Variants in CHIC1 observed in about 807,000 individuals in gnomAD.
The protein encoded by CHIC1 is cysteine rich hydrophobic domain 1.
CHIC1 carries 7 observed loss-of-function variants against 18.5 expected under a neutral mutation model. That is an observed-to-expected ratio of 0.38 (90% CI 0.22 to 0.71). CHIC1 has a LOEUF of 0.71. Among genes scored for constraint, CHIC1 ranks in the 30% least tolerant of loss-of-function variants. The pLI, the probability that CHIC1 is intolerant of heterozygous loss-of-function variation, is 0.49. For missense variants in CHIC1, 159 were observed against 176.9 expected (o/e 0.90, Z 0.57); for synonymous variants, 77 against 73.5 (o/e 1.05, Z -0.25).
intron 3 of CHIC1, among the ~76,000 whole-genome samples, chrX:73,656,379 T>A (rs1308639752): frequency 8.9e-6 from 1 of 112,094 alleles, no homozygotes; most frequent in Non-Finnish European, 1.9e-5. Context: ...TTTGTTCCTG[T>A]CTATTTCCTG....
At chrX:73,675,138 G>A (rs929036377) in intron 3 of CHIC1, among the ~76,000 whole-genome samples, 2 of 111,816 alleles carry the variant, frequency 1.8e-5, no homozygotes, top group African/African-American at 6.5e-5. Flanking sequence ...ATTTGCTGAG[G>A]AGTGCTTTAC....
At chrX:73,660,694 C>T (rs917670648) in intron 3 of CHIC1, among the ~76,000 whole-genome samples, 23 of 110,624 alleles carry the variant, frequency 2.1e-4, no homozygotes, top group African/African-American at 7.3e-4. Flanking sequence ...GGGTCATTTT[C>T]TTCATTTCTG....
At position 73,563,378 on chromosome X, in the gene CHIC1, C is replaced by CCGTCGT. The variant is rs760149927; in HGVS notation, c.106_111dup (p.Ser36_Ser37dup). On this transcript the variant is annotated inframe_insertion, in exon 1 of 6. Transcript: ENST00000373502. ...AGAAGCGGCAACGTCGTCGTCGTCG[C>CCGTCGT]CGTCGTCGTCGTCGTCGGTATCTGG... 2.6e-6 allele frequency: 3 copies of CCGTCGT among 1,153,743 alleles called. No homozygotes were observed. Among genetic ancestry groups the CCGTCGT allele is most frequent in the Non-Finnish European group, 3.5e-6 (3 of 865,905 alleles).
At chrX:73,627,463 C>T (rs1014028114) in intron 3 of CHIC1, among the ~76,000 whole-genome samples, 8 of 112,648 alleles carry the variant, frequency 7.1e-5, no homozygotes, top group African/African-American at 2.6e-4. Flanking sequence ...AGTCAAAAAC[C>T]TTAGAAGCCT....
chrX:73,614,299 C>G (rs189725994), intron 3 of CHIC1, among the ~76,000 whole-genome samples: 9 of 111,507 alleles, frequency 8.1e-5, no homozygotes, highest in Admixed American at 4.8e-4. Flanking sequence ...CTAGAATTCT[C>G]TCTTTGTCTT....
chrX:73,593,901 T>G (rs1336182722), intron 3 of CHIC1, among the ~76,000 whole-genome samples: 2 of 111,727 alleles, frequency 1.8e-5, no homozygotes, highest in African/African-American at 3.2e-5. Flanking sequence ...CTATGTCATT[T>G]CAGACATTTC....
In CHIC1 at chrX:73,600,884, CA is replaced by C. The variant is rs1043988939; in HGVS notation, c.507+16321del. Among the ~76,000 whole-genome samples, 26 of 102,885 alleles carry C rather than the reference CA, an allele frequency of 2.5e-4. No homozygotes were observed. The East Asian group carries it at 2.7e-3, about 11-fold the overall frequency. The allele number at this position is 102,885 out of a possible 115,157, so 89.3% of individuals were successfully genotyped here. Reference sequence around the variant, plus strand: ...GAAGATCTACCAAGCAAATGGAAAACAAAAAAAAAGGCAGGGGTTGCAATCC... The same window carrying C: ...GAAGATCTACCAAGCAAATGGAAAACAAAAAAAAGGCAGGGGTTGCAATCC... On this transcript the variant is annotated intron_variant, in intron 3 of 5. Coordinates refer to ENST00000373502, the MANE Select transcript of CHIC1 (RefSeq NM_001039840.4).
Position 73,686,462 on chromosome X carries a change from G to A in CHIC1, c.*5457G>A, listed in dbSNP as rs1384338524. The A allele has an allele frequency of 9.0e-6, 1 of 111,604 alleles. No individual in the cohort carries two copies. Among genetic ancestry groups the A allele is most frequent in the Non-Finnish European group, 1.9e-5 (1 of 52,959 alleles). 9.2% of individuals were successfully genotyped at this position (111,604 alleles called of 1,213,427 possible). A position where few individuals can be genotyped will look rare whatever the true frequency, so the allele number is the denominator to read the frequency against. On this transcript the variant is annotated 3_prime_UTR_variant, in exon 6 of 6. Transcript: ENST00000373502. ...GTTATAATGTCATATTCTAGCATTG[G>A]ACTAAATATCAATTTCTGACTCTTA...
intron 3 of CHIC1, among the ~76,000 whole-genome samples, chrX:73,632,969 C>T (rs963431643): frequency 9.2e-6 from 1 of 108,175 alleles, no homozygotes; most frequent in African/African-American, 3.4e-5. Flanking sequence ...GGGGTTTCAC[C>T]GTGTTAGCCA....
At chrX:73,598,421 G>A (rs1422403196) in intron 3 of CHIC1, among the ~76,000 whole-genome samples, 24 of 105,235 alleles carry the variant, frequency 2.3e-4, no homozygotes, top group Admixed American at 5.1e-4. Flanking sequence ...ATGCTGGTGC[G>A]CTGCACCCAC....
At chrX:73,646,508 TG>T (rs1272698967) in intron 3 of CHIC1, among the ~76,000 whole-genome samples, 1 of 112,153 alleles carries the variant, frequency 8.9e-6, no homozygotes, top group Non-Finnish European at 1.9e-5. Context: ...CTTCCATTTC[TG>T]TTATCATTGT....
At chrX:73,664,012 CCTT>C in intron 3 of CHIC1, among the ~76,000 whole-genome samples, 1 of 111,303 alleles carries the variant, frequency 9.0e-6, no homozygotes, top group East Asian at 2.8e-4. Context: ...AGGGTCTTCT[CCTT>C]CTTTTAGCCC....
At chrX:73,673,423 T>C (rs2058042814) in intron 3 of CHIC1, among the ~76,000 whole-genome samples, 2 of 111,905 alleles carry the variant, frequency 1.8e-5, no homozygotes, top group African/African-American at 6.5e-5. Context: ...TTTTATTTCA[T>C]TGAGCAGTGG....
intron 3 of CHIC1, among the ~76,000 whole-genome samples, chrX:73,643,076 C>T (rs1459270024): frequency 8.9e-6 from 1 of 111,745 alleles, no homozygotes; most frequent in East Asian, 2.8e-4. Context: ...GTGACAAAAT[C>T]TCTCAGCATT....
intron 1 of CHIC1, among the ~76,000 whole-genome samples, chrX:73,566,589 C>G (rs1245447598): frequency 1.8e-5 from 2 of 111,460 alleles, no homozygotes; most frequent in African/African-American, 6.5e-5. Flanking sequence ...CCCATGTTCC[C>G]TTTAGCTACT....
chrX:73,612,488 A>G (rs1289993932), intron 3 of CHIC1, among the ~76,000 whole-genome samples: 1 of 111,468 alleles, frequency 9.0e-6, no homozygotes, highest in Non-Finnish European at 1.9e-5. Flanking sequence ...TGTATCCCAT[A>G]GGTTTTGGTA....
chrX:73,614,988 T>C (rs1456207601), intron 3 of CHIC1, among the ~76,000 whole-genome samples: 1 of 111,694 alleles, frequency 9.0e-6, no homozygotes, highest in African/African-American at 3.3e-5. Context: ...ATGCATCTGA[T>C]ATAACAGTTG....
At chrX:73,645,046 A>G (rs773139029) in intron 3 of CHIC1, among the ~76,000 whole-genome samples, 3 of 111,640 alleles carry the variant, frequency 2.7e-5, no homozygotes, top group African/African-American at 6.5e-5. Flanking sequence ...TGCAGAAATC[A>G]CCCGTCTTCT....
chrX:73,646,375 T>C (rs138034710), intron 3 of CHIC1, among the ~76,000 whole-genome samples: 1,759 of 112,488 alleles, frequency 0.016, 32 homozygotes, highest in African/African-American at 0.053. Context: ...CTGTTTTGGC[T>C]ATTTGCAATC....
Sources: gnomAD v4.1 joint callset for allele counts (sites outside exome capture counted in the v4.1 genomes callset) on GRCh38, gnomAD v4.1.1 for gene constraint, MANE v1.5 for transcripts, NCBI Gene and HGNC (gene_info 2026-07-23, HGNC 2026-07-21) for gene names.